The following RANBP2 variants were observed in gnomAD, a reference collection of about 807,000 sequenced individuals.
The protein encoded by RANBP2 is E3 SUMO-protein ligase RanBP2.
Under a neutral mutation model 303.6 loss-of-function variants are expected in RANBP2, and 57 were observed. That is an observed-to-expected ratio of 0.19 (90% CI 0.15 to 0.23). The LOEUF is 0.23. RANBP2 is among the 10% of genes least tolerant of loss of function. The pLI is 1.00. For missense variants in RANBP2, 3,138 were observed against 3,780.8 expected (o/e 0.83, Z 4.46); for synonymous variants, 1,167 against 1,301.5 (o/e 0.90, Z 2.23).
the RANBP2 span, among the ~76,000 whole-genome samples, chr2:109,417,920 T>G: frequency 5.3e-5 from 8 of 152,140 alleles, no homozygotes; most frequent in African/African-American, 1.4e-4. Flanking sequence ...AAGCTAAGCT[T>G]CTTGCTCCTA....
At chr2:109,230,412 A>G in the RANBP2 span, among the ~76,000 whole-genome samples, 1 of 150,960 alleles carries the variant, frequency 6.6e-6, no homozygotes, top group African/African-American at 2.4e-5. Flanking sequence ...CCCCATCTTT[A>G]CTAAAAAAAA....
the RANBP2 span, among the ~76,000 whole-genome samples, chr2:109,309,195 G>A: frequency 7.2e-6 from 1 of 138,034 alleles, no homozygotes; most frequent in African/African-American, 3.1e-5. Context: ...AACTGTGAAT[G>A]GGAGTTCACT....
the RANBP2 span, among the ~76,000 whole-genome samples, chr2:109,692,722 A>G: frequency 8.3e-4 from 126 of 152,084 alleles, no homozygotes; most frequent in Admixed American, 2.0e-3. Context: ...GCCTGCATAA[A>G]TTCACCTCTG....
At chr2:108,795,241 G>A in the RANBP2 span, among the ~76,000 whole-genome samples, 1 of 130,126 alleles carries the variant, frequency 7.7e-6, no homozygotes, top group South Asian at 2.7e-4. Context: ...TGCGGCCTCC[G>A]CCTCCTGGGT....
At chr2:109,288,047 C>T in the RANBP2 span, among the ~76,000 whole-genome samples, 5 of 152,330 alleles carry the variant, frequency 3.3e-5, no homozygotes, top group East Asian at 9.7e-4. Flanking sequence ...GCAGGTTGAG[C>T]TGTCCCATTG....
chr2:109,185,182 A>G, the RANBP2 span, among the ~76,000 whole-genome samples: 2 of 152,224 alleles, frequency 1.3e-5, no homozygotes, highest in Admixed American at 1.3e-4. Context: ...TTTCTCTCCC[A>G]TTGGGATTTA....
At chr2:109,375,789 C>T in the RANBP2 span, among the ~76,000 whole-genome samples, 1 of 152,258 alleles carries the variant, frequency 6.6e-6, no homozygotes, top group Non-Finnish European at 1.5e-5. Context: ...GGGGTCAGGC[C>T]TCGGCCCAGC....
At chr2:109,103,798 CT>C in the RANBP2 span, among the ~76,000 whole-genome samples, 3,179 of 144,294 alleles carry the variant, frequency 0.022, 36 homozygotes, top group South Asian at 0.056. Context: ...TTTTTCTTTT[CT>C]TTTTTTTTTT....
At chr2:109,685,479 A>C in the RANBP2 span, among the ~76,000 whole-genome samples, 3 of 152,206 alleles carry the variant, frequency 2.0e-5, no homozygotes, top group African/African-American at 7.2e-5. Flanking sequence ...ACCCTCAGAA[A>C]CCTAGCGTGT....
Position 108,736,989 on chromosome 2 carries a change from T to G in RANBP2, c.782+740T>G, listed in dbSNP as rs144391589. 5.4e-3 allele frequency among the ~76,000 whole-genome samples: 767 copies of G among 142,068 alleles called. 15 individuals are homozygous for G. The highest frequency in any genetic ancestry group is 0.024 in the East Asian group (123 of 5,128). The allele number at this position is 142,068 out of a possible 152,430, so 93.2% of individuals were successfully genotyped here. A position where few individuals can be genotyped will look rare whatever the true frequency, so the allele number is the denominator to read the frequency against. ...AGATTGTATGCCTGTAAAGCCAGAT[T>G]AGTATTCTCCTCCTTTTTGTAGAAA... On this transcript the variant is annotated intron_variant, in intron 6 of 28. Transcript: ENST00000283195.
At chr2:109,501,084 C>T in the RANBP2 span, among the ~76,000 whole-genome samples, 8 of 152,180 alleles carry the variant, frequency 5.3e-5, no homozygotes, top group African/African-American at 1.9e-4. Flanking sequence ...GAGGTGAGGA[C>T]ACGAGCCCAG....
the RANBP2 span, among the ~76,000 whole-genome samples, chr2:109,051,808 G>A: frequency 6.6e-6 from 1 of 151,746 alleles, no homozygotes; most frequent in African/African-American, 2.4e-5. Context: ...GAGTGCAGTG[G>A]CACGGTCTTG....
chr2:108,946,973 A>C, the RANBP2 span, among the ~76,000 whole-genome samples: 1 of 152,162 alleles, frequency 6.6e-6, no homozygotes, highest in African/African-American at 2.4e-5. Flanking sequence ...CATTAACCCA[A>C]AAGTCCAAAG....
At chr2:109,154,153 G>A in the RANBP2 span, among the ~76,000 whole-genome samples, 4 of 152,148 alleles carry the variant, frequency 2.6e-5, no homozygotes, top group African/African-American at 9.7e-5. Context: ...GTCTTGGTTA[G>A]GGTTCAAAAT....
At chr2:109,688,640 G>A in the RANBP2 span, among the ~76,000 whole-genome samples, 10 of 151,616 alleles carry the variant, frequency 6.6e-5, no homozygotes, top group African/African-American at 1.9e-4. Context: ...TTAGCTGGGC[G>A]TAGTGGCGCA....
chr2:109,162,704 T>C, the RANBP2 span, among the ~76,000 whole-genome samples: 1 of 152,268 alleles, frequency 6.6e-6, no homozygotes, highest in African/African-American at 2.4e-5. Flanking sequence ...CATGTGTCTT[T>C]ATAGCTGCAT....
the RANBP2 span, among the ~76,000 whole-genome samples, chr2:109,469,386 A>G: frequency 6.6e-6 from 1 of 152,120 alleles, no homozygotes; most frequent in Non-Finnish European, 1.5e-5. Context: ...TTGGGGCCAG[A>G]ACTGCCTGCC....
intron 7 of RANBP2, among the ~76,000 whole-genome samples, chr2:108,742,326 A>G (rs1001026886): frequency 8.7e-5 from 13 of 149,566 alleles, no homozygotes; most frequent in Admixed American, 7.4e-4. Context: ...TTTATTTGAG[A>G]CGGAGTCTCG....
the RANBP2 span, among the ~76,000 whole-genome samples, chr2:109,272,059 CTG>C: frequency 6.6e-6 from 1 of 152,212 alleles, no homozygotes; most frequent in Admixed American, 6.5e-5. Flanking sequence ...TGTCCCATCC[CTG>C]TGTCATGGCC....
Sources: gnomAD v4.1 joint callset for allele counts (sites outside exome capture counted in the v4.1 genomes callset) on GRCh38, gnomAD v4.1.1 for gene constraint, MANE v1.5 for transcripts, NCBI Gene and HGNC (gene_info 2026-07-23, HGNC 2026-07-21) for gene names.